The following NOS1AP variants were observed in gnomAD, a reference collection of about 807,000 sequenced individuals.
NOS1AP encodes nitric oxide synthase 1 adaptor protein.
In NOS1AP, 21 loss-of-function variants were observed where a neutral mutation model predicts 56.2. The observed-to-expected ratio is 0.37, with a 90% CI of 0.26 to 0.54. The LOEUF is 0.54. NOS1AP is among the 20% of genes least tolerant of loss of function. The pLI, the probability that NOS1AP is intolerant of heterozygous loss-of-function variation, is 0.84. For missense variants in NOS1AP, 522 were observed against 657.8 expected (o/e 0.79, Z 2.26); for synonymous variants, 270 against 274.6 (o/e 0.98, Z 0.17).
chr1:162,217,665 C>T (rs1652629264), intron 2 of NOS1AP, among the ~76,000 whole-genome samples: 1 of 152,240 alleles, frequency 6.6e-6, no homozygotes, highest in South Asian at 2.1e-4. Context: ...GTGGCTGGCT[C>T]CCTGATGCCA....
At chr1:162,251,602 ATGTG>A (rs35955567) in intron 2 of NOS1AP, among the ~76,000 whole-genome samples, 16,488 of 145,946 alleles carry the variant, frequency 0.11, 1,850 homozygotes, top group African/African-American at 0.3. Context: ...AAATATATAT[ATGTG>A]TGTGTGTGTG....
rs1415799197 is a variant in NOS1AP at position 162,356,983 on chromosome 1, G to A, written c.786G>A (p.Met262Ile). 13 of 1,613,974 alleles carry A rather than the reference G, an allele frequency of 8.1e-6. No individual in the cohort carries two copies. The highest frequency in any genetic ancestry group is 1.3e-5 in the African/African-American group (1 of 74,918). Residue 262 changes from methionine (M) to isoleucine (I), a missense_variant, in exon 8 of 10, where the codon ATG becomes ATA. Around this residue, in one of 4 missense-constraint regions of NOS1AP, gnomAD observed 178 missense variants for 165.0 expected, o/e 1.08. Coordinates refer to ENST00000361897, the MANE Select transcript of NOS1AP (RefSeq NM_014697.3). ...AGGTTTCGCACCCCCAGGAGCCCATGCTGACAGCCTCACCCAGGATGCTGC... is the reference window on the plus strand; with the variant it reads ...AGGTTTCGCACCCCCAGGAGCCCATACTGACAGCCTCACCCAGGATGCTGC... ...GSKVSHPQEPMLTASPRMLLP... is the reference protein window; with the variant it reads ...GSKVSHPQEPILTASPRMLLP...
intron 2 of NOS1AP, among the ~76,000 whole-genome samples, chr1:162,251,439 A>G (rs1653845061): frequency 6.6e-6 from 1 of 152,074 alleles, no homozygotes; most frequent in Non-Finnish European, 1.5e-5. Flanking sequence ...CAGATCATCT[A>G]TTACTGAGCA....
chr1:162,169,702 T>C (rs1650671057), intron 2 of NOS1AP, among the ~76,000 whole-genome samples: 1 of 152,164 alleles, frequency 6.6e-6, no homozygotes, highest in African/African-American at 2.4e-5. Context: ...TCCTAAAGCA[T>C]GAGGTCCATC....
chr1:162,162,958 C>T (rs1650298002), intron 2 of NOS1AP, among the ~76,000 whole-genome samples: 1 of 152,108 alleles, frequency 6.6e-6, no homozygotes, highest in Non-Finnish European at 1.5e-5. Flanking sequence ...ATCCATCATC[C>T]CTGATTCCCC....
rs549493979 is a variant in NOS1AP at position 162,187,054 on chromosome 1, C to A, written c.177+32578C>A. Among the ~76,000 whole-genome samples the A allele has an allele frequency of 8.5e-5, 13 of 152,172 alleles. No homozygotes were observed. In the East Asian group the frequency reaches 2.3e-3, roughly 27 times the overall value. ...TGATCTCGGCTCACTACAGACTTGA[C>A]CTCCTAGGCTCAAGTGATCCTCCCA... is the stretch of plus-strand genomic sequence containing the variant. On this transcript the variant is annotated intron_variant, in intron 2 of 9. Transcript: ENST00000361897.
chr1:162,230,568 G>A (rs1653089633), intron 2 of NOS1AP, among the ~76,000 whole-genome samples: 1 of 152,196 alleles, frequency 6.6e-6, no homozygotes, highest in African/African-American at 2.4e-5. Flanking sequence ...TCAAGGTACA[G>A]TTCAGTAGTT....
chr1:162,323,840 A>C (rs1415256795), intron 4 of NOS1AP, among the ~76,000 whole-genome samples: 1 of 152,224 alleles, frequency 6.6e-6, no homozygotes, highest in African/African-American at 2.4e-5. Context: ...CTGTTCTGTC[A>C]GGTCTTCTAT....
rs990434052 is a variant in NOS1AP, at chr1:162,368,173, G to A, written c.*706G>A. 2 of 152,242 alleles carry A rather than the reference G, an allele frequency of 1.3e-5. No individual in the cohort carries two copies. Among genetic ancestry groups the A allele is most frequent in the African/African-American group, 4.8e-5 (2 of 41,412 alleles). 9.4% of individuals were successfully genotyped at this position (152,242 alleles called of 1,614,324 possible). A position where few individuals can be genotyped will look rare whatever the true frequency, so the allele number is the denominator to read the frequency against. ...TTAACATGGTTCAGGCCCTTGGTGT[G>A]AGAGCCCAGGGGGAGGACAGCTTGT... On this transcript the variant is annotated 3_prime_UTR_variant, in exon 10 of 10. Transcript: ENST00000361897.
chr1:162,073,217 C>T (rs562986003), intron 1 of NOS1AP, among the ~76,000 whole-genome samples: 4 of 152,284 alleles, frequency 2.6e-5, no homozygotes, highest in South Asian at 4.1e-4. Context: ...ATTTTATAAA[C>T]GAGGACATAG....
At chr1:162,366,106 G>T (rs1571250251) in intron 9 of NOS1AP, among the ~76,000 whole-genome samples, 4 of 152,278 alleles carry the variant, frequency 2.6e-5, no homozygotes, top group Admixed American at 2.6e-4. Flanking sequence ...AATAGCAGAG[G>T]TTGCCTGGCC....
In NOS1AP at chr1:162,264,796, G is replaced by A. The variant is rs545764995; in HGVS notation, c.178-22548G>A. On this transcript the variant is annotated intron_variant, in intron 2 of 9. Transcript: ENST00000361897. The stretch of plus-strand genomic sequence containing the variant: ...TGCTGGGATTACTCCCAAAGTGTGC[G>A]TGAGCCACCGCGCCCGACCTTTTTT... 1.5e-4 allele frequency among the ~76,000 whole-genome samples: 21 copies of A among 141,140 alleles called. No individual in the cohort carries two copies. The South Asian group carries it at 2.6e-3, about 18-fold the overall frequency. The allele number at this position is 141,140 out of a possible 152,430, so 92.6% of individuals were successfully genotyped here. A position where few individuals can be genotyped will look rare whatever the true frequency, so the allele number is the denominator to read the frequency against.
intron 1 of NOS1AP, among the ~76,000 whole-genome samples, chr1:162,128,716 T>C (rs973175134): frequency 1.3e-5 from 2 of 152,220 alleles, no homozygotes; most frequent in African/African-American, 4.8e-5. Flanking sequence ...GTGTCTGCTA[T>C]TTGCAAGGTA....
chr1:162,343,618 C>T (rs1167789257), intron 5 of NOS1AP, among the ~76,000 whole-genome samples: 1 of 152,248 alleles, frequency 6.6e-6, no homozygotes, highest in African/African-American at 2.4e-5. Context: ...TATTTGCTAT[C>T]TGTCCTTTCA....
intron 2 of NOS1AP, among the ~76,000 whole-genome samples, 157 bp from the exon 3 acceptor site, chr1:162,287,187 C>T (rs1655115642): frequency 6.6e-6 from 1 of 152,140 alleles, no homozygotes; most frequent in Non-Finnish European, 1.5e-5. Flanking sequence ...CTGAGACATC[C>T]ACCTGCTTTT....
At chr1:162,218,217 C>T (rs778693406) in intron 2 of NOS1AP, among the ~76,000 whole-genome samples, 1 of 152,192 alleles carries the variant, frequency 6.6e-6, no homozygotes, top group Non-Finnish European at 1.5e-5. Flanking sequence ...ATTTGAAAAA[C>T]ACTGCTCTAG....
chr1:162,302,125 T>C (rs1655684295), intron 4 of NOS1AP, among the ~76,000 whole-genome samples: 1 of 152,064 alleles, frequency 6.6e-6, no homozygotes, highest in South Asian at 2.1e-4. Flanking sequence ...CTGTTTAATG[T>C]TTTTTTGAAA....
chr1:162,365,091 T>TGTGTGC, intron 8 of NOS1AP: 2 of 1,336,360 alleles, frequency 1.5e-6, no homozygotes, highest in Non-Finnish European at 9.6e-7. Context: ...CGTGTGTGTG[T>TGTGTGC]ACGTGTGTGT....
intron 2 of NOS1AP, among the ~76,000 whole-genome samples, chr1:162,164,514 T>C (rs550463637): frequency 3.9e-5 from 6 of 152,302 alleles, no homozygotes; most frequent in African/African-American, 1.4e-4. Context: ...CATTAAACAA[T>C]AGCTCTGTTT....
Sources: allele counts gnomAD v4.1 joint callset (sites outside exome capture counted in the v4.1 genomes callset), GRCh38; gene constraint gnomAD v4.1.1; regional missense constraint gnomAD v4.1.1; transcripts MANE v1.5; gene names NCBI Gene and HGNC (gene_info 2026-07-23, HGNC 2026-07-21).